The following CDH12 variants were observed in gnomAD, a reference collection of about 807,000 sequenced individuals.
CDH12 encodes the protein cadherin 12, also known as cadherin-12.
A neutral mutation model predicts 74.1 loss-of-function variants in CDH12; 41 were observed. The observed-to-expected ratio is 0.55, with a 90% confidence interval of 0.43 to 0.72. CDH12 has a LOEUF of 0.72. Ranked by LOEUF, CDH12 falls within the 30% of genes least tolerant of loss-of-function variation. The pLI is 0.00. For synonymous variants in CDH12, 399 were observed against 355.0 expected (o/e 1.12, Z -1.39); for missense variants, 945 against 977.2 (o/e 0.97, Z 0.44).
chr5:22,563,054 A>G (rs1460087253), intron 1 of CDH12, among the ~76,000 whole-genome samples: 1 of 147,524 alleles, frequency 6.8e-6, no homozygotes, highest in African/African-American at 2.5e-5. Context: ...TGATATATTT[A>G]AATATATATA....
intron 3 of CDH12, among the ~76,000 whole-genome samples, chr5:22,403,471 G>A (rs1394655654): frequency 6.6e-6 from 1 of 152,264 alleles, no homozygotes; most frequent in East Asian, 1.9e-4. Flanking sequence ...ACAATCAATT[G>A]ATTCATTTAG....
At chr5:22,324,427 G>A (rs932102948) in intron 3 of CDH12, among the ~76,000 whole-genome samples, 4 of 151,842 alleles carry the variant, frequency 2.6e-5, no homozygotes, top group Non-Finnish European at 5.9e-5. Context: ...GGAGGTGACC[G>A]TGTTAACCCT....
intron 1 of CDH12, among the ~76,000 whole-genome samples, chr5:22,671,101 CTT>C (rs143769651): frequency 0.058 from 8,817 of 151,834 alleles, 448 homozygotes; most frequent in East Asian, 0.14. Context: ...TTTTTTATAA[CTT>C]TACTGAGGAA....
chr5:21,771,621 T>C (rs1233188700), intron 11 of CDH12, among the ~76,000 whole-genome samples: 1 of 152,010 alleles, frequency 6.6e-6, no homozygotes, highest in East Asian at 1.9e-4. Context: ...AGGCTCTTAT[T>C]ATATAGATGA....
intron 8 of CDH12, among the ~76,000 whole-genome samples, chr5:21,829,312 C>CA (rs1051264628): frequency 1.3e-5 from 2 of 151,258 alleles, no homozygotes; most frequent in African/African-American, 4.9e-5. Context: ...AAATAAAAAA[C>CA]AAAAACCAAA....
chr5:21,909,659 T>A (rs1440779555), intron 6 of CDH12, among the ~76,000 whole-genome samples: 2 of 152,150 alleles, frequency 1.3e-5, no homozygotes, highest in Non-Finnish European at 2.9e-5. Context: ...ATACTCTATT[T>A]TCAGAAATAA....
At chr5:22,458,681 T>A (rs1220129613) in intron 2 of CDH12, among the ~76,000 whole-genome samples, 1 of 152,172 alleles carries the variant, frequency 6.6e-6, no homozygotes, top group Non-Finnish European at 1.5e-5. Context: ...ATTTAGCATA[T>A]CTTTTTAGAT....
intron 1 of CDH12, among the ~76,000 whole-genome samples, chr5:22,750,569 G>C (rs977244340): frequency 6.6e-6 from 1 of 152,078 alleles, no homozygotes; most frequent in Non-Finnish European, 1.5e-5. Context: ...ATCAAGAAGA[G>C]CCAAAACCCA....
At chr5:22,582,062 G>A (rs995799884) in intron 1 of CDH12, among the ~76,000 whole-genome samples, 3 of 151,990 alleles carry the variant, frequency 2.0e-5, no homozygotes, top group African/African-American at 7.2e-5. Flanking sequence ...AAAACAATAT[G>A]TTTGTCTACC....
chr5:21,882,042 T>A (rs1420353168), intron 6 of CDH12, among the ~76,000 whole-genome samples: 1 of 152,230 alleles, frequency 6.6e-6, no homozygotes, highest in Non-Finnish European at 1.5e-5. Context: ...GAAAACTAGA[T>A]TACAAAGCAA....
intron 1 of CDH12, among the ~76,000 whole-genome samples, chr5:22,653,574 T>C (rs1343857738): frequency 6.6e-6 from 1 of 152,208 alleles, no homozygotes; most frequent in East Asian, 1.9e-4. Flanking sequence ...ATATCATACC[T>C]GCTGCATGCA....
intron 1 of CDH12, among the ~76,000 whole-genome samples, chr5:22,822,923 T>C (rs192566703): frequency 4.6e-5 from 7 of 152,118 alleles, no homozygotes; most frequent in East Asian, 1.9e-4. Context: ...GCTATAAAGA[T>C]ACATGCACAT....
intron 4 of CDH12, among the ~76,000 whole-genome samples, chr5:22,166,998 T>G (rs1748720476): frequency 6.6e-6 from 1 of 152,194 alleles, no homozygotes; most frequent in Non-Finnish European, 1.5e-5. Flanking sequence ...TTCCTATGTT[T>G]TATATGAAAA....
intron 6 of CDH12, among the ~76,000 whole-genome samples, chr5:21,875,663 A>G (rs1751895941): frequency 1.4e-4 from 1 of 6,932 alleles, no homozygotes; most frequent in African/African-American, 4.0e-4. Context: ...AGTGCATTGT[A>G]CTTCCGGAAG....
intron 5 of CDH12, among the ~76,000 whole-genome samples, chr5:22,029,262 G>C (rs1738630298): frequency 6.6e-6 from 1 of 152,064 alleles, no homozygotes; most frequent in African/African-American, 2.4e-5. Context: ...ATTGACAAAT[G>C]GGATCTAATT....
intron 4 of CDH12, among the ~76,000 whole-genome samples, chr5:22,127,155 A>G (rs1032110502): frequency 6.6e-6 from 1 of 152,146 alleles, no homozygotes; most frequent in Non-Finnish European, 1.5e-5. Context: ...GCACATATAA[A>G]AGATGAGCTA....
At chr5:22,244,573 G>C (rs1421016203) in intron 3 of CDH12, among the ~76,000 whole-genome samples, 4 of 107,540 alleles carry the variant, frequency 3.7e-5, no homozygotes, top group Non-Finnish European at 7.5e-5. Context: ...GAAAGAGAGA[G>C]TAAGTAAGAG....
At chr5:22,211,337 T>C (rs552546071) in intron 4 of CDH12, among the ~76,000 whole-genome samples, 23 of 152,304 alleles carry the variant, frequency 1.5e-4, no homozygotes, top group African/African-American at 5.5e-4. Flanking sequence ...TTCAGTATTA[T>C]ACGTGATATT....
intron 2 of CDH12, among the ~76,000 whole-genome samples, chr5:22,421,650 G>A (rs1281967690): frequency 2.6e-5 from 4 of 152,094 alleles, no homozygotes; most frequent in East Asian, 1.9e-4. Flanking sequence ...ATAAACATAC[G>A]TGTACATGTG....
Sources: allele counts gnomAD v4.1 joint callset (sites outside exome capture counted in the v4.1 genomes callset), GRCh38; gene constraint gnomAD v4.1.1; transcripts MANE v1.5; gene names NCBI Gene and HGNC (gene_info 2026-07-23, HGNC 2026-07-21).